Variants in THBS4 observed in about 807,000 individuals in gnomAD.
The protein encoded by THBS4 is thrombospondin 4, also known as thrombospondin-4.
A neutral mutation model predicts 115.7 loss-of-function variants in THBS4; 90 were observed. That is an observed-to-expected ratio of 0.78 (90% CI 0.66 to 0.93). The LOEUF (loss-of-function observed/expected upper bound fraction) is 0.93, where lower values mean the gene tolerates loss of function less well. Among genes scored for constraint, THBS4 ranks in the 40% least tolerant of loss-of-function variants. The probability of loss-of-function intolerance (pLI) is 0.00; values close to 1 mark genes in which losing one functional copy is unlikely to be tolerated. For missense variants in THBS4, 1,087 were observed against 1,232.7 expected (o/e 0.88, Z 1.77); for synonymous variants, 460 against 479.3 (o/e 0.96, Z 0.53).
intron 2 of THBS4, among the ~76,000 whole-genome samples, chr5:80,009,575 A>T (rs186102684): frequency 6.6e-6 from 1 of 152,260 alleles, no homozygotes; most frequent in African/African-American, 2.4e-5. Flanking sequence ...AATTTCCAGC[A>T]TAATCCTGTT....
intron 14 of THBS4, 111 bp from the exon 15 acceptor site, chr5:80,073,164 T>C (rs1742984098): frequency 8.8e-7 from 1 of 1,138,286 alleles, no homozygotes; most frequent in African/African-American, 1.5e-5. Context: ...CCACCCCGGT[T>C]CCAGAGAAAT....
At chr5:80,058,132 A>C in intron 3 of THBS4, 74 bp from the exon 4 acceptor site, 1 of 1,152,300 alleles carries the variant, frequency 8.7e-7, no homozygotes, top group Non-Finnish European at 1.3e-6. Flanking sequence ...GATTATGAAA[A>C]TTGCGTGAGT....
At chr5:80,004,696 A>G (rs1320892248) in intron 2 of THBS4, among the ~76,000 whole-genome samples, 1 of 152,158 alleles carries the variant, frequency 6.6e-6, no homozygotes, top group African/African-American at 2.4e-5. Context: ...TTTCAATTAC[A>G]CATGGCAAGT....
At chr5:80,066,094 CA>C (rs34135437) in intron 9 of THBS4, among the ~76,000 whole-genome samples, 30,657 of 80,692 alleles carry the variant, frequency 0.38, 2,910 homozygotes, top group Middle Eastern at 0.52. Context: ...GACTCCCTCT[CA>C]AAAAAAAAAA....
chr5:80,012,143 A>G (rs1404057618), intron 2 of THBS4, among the ~76,000 whole-genome samples: 1 of 152,028 alleles, frequency 6.6e-6, no homozygotes, highest in Non-Finnish European at 1.5e-5. Context: ...ATAAATAAAT[A>G]AAATTTAAAA....
In THBS4 at chr5:80,061,813, T is replaced by C; in HGVS notation, c.1106T>C (p.Phe369Ser). 1.2e-6 allele frequency: 2 copies of C among 1,609,446 alleles called. No homozygotes were observed. The highest frequency in any genetic ancestry group is 1.1e-5 in the South Asian group (1 of 90,818). ...ATGGTGCAGGGTGTTGGGATCAGTT[T>C]TGCCAAGTCAAACAAGCAGGTAGGC... ...GPMVQGVGIS[F>S]AKSNKQVCTD... The change falls in exon 8 of 22, where the codon TTT becomes TCT. Residue 369 changes from phenylalanine to serine, a missense_variant. Coordinates refer to ENST00000350881, the MANE Select transcript of THBS4 (RefSeq NM_003248.6).
rs1743241318 is a variant in THBS4, at chr5:80,076,850, T to A, written c.1893-5T>A. ...GAGCCACATCACCTGTCCTTTCTCC[T>A]GCAGTGATGGAGATGGGCACCAGGA... On this transcript the variant is annotated splice_polypyrimidine_tract_variant and splice_region_variant and intron_variant, in intron 15 of 21. Coordinates refer to ENST00000350881, the MANE Select transcript of THBS4 (RefSeq NM_003248.6). 2 of 1,571,778 alleles carry A rather than the reference T, an allele frequency of 1.3e-6. No homozygotes were observed. The highest frequency in any genetic ancestry group is 1.7e-6 in the Non-Finnish European group (2 of 1,157,460).
At chr5:80,063,664 T>A (rs1833714822) in intron 8 of THBS4, among the ~76,000 whole-genome samples, 1 of 152,144 alleles carries the variant, frequency 6.6e-6, no homozygotes, top group Admixed American at 6.5e-5. Context: ...ATAGGAATGA[T>A]AAGAAGCTGT....
At chr5:80,034,818 A>G (rs1249304169), upstream of THBS4, among the ~76,000 whole-genome samples, 1 of 152,218 alleles carries the variant, frequency 6.6e-6, no homozygotes, top group African/African-American at 2.4e-5. Context: ...CAAGTATTCA[A>G]GAAAAGCTTG....
intron 2 of THBS4, among the ~76,000 whole-genome samples, chr5:80,015,666 C>T (rs1832231960): frequency 6.6e-6 from 1 of 152,094 alleles, no homozygotes; most frequent in South Asian, 2.1e-4. Flanking sequence ...GAGAAGGTCC[C>T]TGGGGAAGGT....
Position 80,037,675 on chromosome 5 carries a change from A to G in THBS4, c.88+2050A>G, listed in dbSNP as rs182921006. Reference sequence around the variant, plus strand: ...CTTGAGTTACATCATGAACCTGATCATAGTCAAAGGAAGAATCAAGAGTAC... The same window carrying G: ...CTTGAGTTACATCATGAACCTGATCGTAGTCAAAGGAAGAATCAAGAGTAC... On this transcript the variant is annotated intron_variant, in intron 1 of 21. Coordinates refer to ENST00000350881, the MANE Select transcript of THBS4 (RefSeq NM_003248.6). 3.9e-3 allele frequency among the ~76,000 whole-genome samples: 598 copies of G among 152,342 alleles called. 7 individuals are homozygous for G. The highest frequency in any genetic ancestry group is 4.0e-3 in the Non-Finnish European group (270 of 68,010).
intron 2 of THBS4, 107 bp downstream of exon 2, chr5:80,040,387 T>A: frequency 1.2e-6 from 1 of 854,472 alleles, no homozygotes. Context: ...ATATTCTCAC[T>A]CACTAGTCAT....
chr5:80,059,838 G>A lies in THBS4; in HGVS notation c.920G>A (p.Gly307Asp). The A allele has an allele frequency of 3.7e-6, 6 of 1,613,992 alleles. No homozygotes were observed. The highest frequency in any genetic ancestry group is 5.1e-6 in the Non-Finnish European group (6 of 1,180,004). The change falls in exon 7 of 22, where the codon GGC becomes GAC. Residue 307 changes from glycine to aspartate, a missense_variant. Physicochemically the swap from Gly to Asp is moderately conservative, Grantham distance 94 (BLOSUM62 -1). Coordinates refer to ENST00000350881, the MANE Select transcript of THBS4 (RefSeq NM_003248.6). ...GTCCAATGTACCGACAGTAGAGATGGCTTCCAGTGTGGGCCCTGCCCCGAG... is the reference window on the plus strand; with the variant it reads ...GTCCAATGTACCGACAGTAGAGATGACTTCCAGTGTGGGCCCTGCCCCGAG... Reference protein sequence around the residue: ...RGVQCTDSRDGFQCGPCPEGY... With the variant: ...RGVQCTDSRDDFQCGPCPEGY...
rs919074144 is a variant in THBS4, at chr5:80,067,988, G to A, written c.1210G>A (p.Gly404Arg). 2.5e-6 allele frequency: 4 copies of A among 1,614,130 alleles called. No individual in the cohort carries two copies. The South Asian group carries it at 3.3e-5, about 13-fold the overall frequency. The change falls in exon 10 of 22, where the codon GGG becomes AGG. Residue 404 changes from glycine (G) to arginine (R), a missense_variant. Physicochemically the swap from Gly to Arg is moderately radical, Grantham distance 125. Around this residue, in one of 3 missense-constraint regions of THBS4, gnomAD observed 979 missense variants for 1,103.7 expected, o/e 0.89. Coordinates refer to ENST00000350881, the MANE Select transcript of THBS4 (RefSeq NM_003248.6). ...CVNTLGSYRCGPCKPGYTGDQ... is the reference protein window; with the variant it reads ...CVNTLGSYRCRPCKPGYTGDQ... ...TTCCTTGCAGGGATCTTACCGCTGT[G>A]GGCCTTGTAAGCCGGGGTATACTGG...
rs767188033 is a variant in THBS4, at chr5:80,058,279, T to G, written c.614T>G (p.Leu205Arg). Residue 205 changes from leucine to arginine, a missense_variant, in exon 4 of 22, where the codon CTG (leucine) becomes CGG (arginine). Around this residue, in one of 3 missense-constraint regions of THBS4, gnomAD observed 979 missense variants for 1,103.7 expected, o/e 0.89. Transcript: ENST00000350881. ...FQVASLQDCF[L>R]QQSEPLAATG... ...GTGGCCAGCCTGCAAGACTGCTTCC[T>G]GCAGCAGAGTGAGCCACTGGCTGCC... The G allele has an allele frequency of 6.4e-7, 1 of 1,570,736 alleles. No individual in the cohort carries two copies. The highest frequency in any genetic ancestry group is 1.2e-5 in the South Asian group (1 of 85,456).
At chr5:80,062,655 G>C (rs1211250935) in intron 8 of THBS4, among the ~76,000 whole-genome samples, 1 of 152,076 alleles carries the variant, frequency 6.6e-6, no homozygotes, top group East Asian at 1.9e-4. Flanking sequence ...ATTTACATTA[G>C]GTATATCTCC....
chr5:80,078,774 T>C (rs552414330), intron 17 of THBS4, 147 bp from the exon 18 acceptor site: 439 of 649,902 alleles, frequency 6.8e-4, no homozygotes, highest in Non-Finnish European at 9.8e-4. Context: ...CATAACACAA[T>C]AGAGCAACTA....
chr5:80,055,440 T>C (rs1833391665), intron 2 of THBS4, among the ~76,000 whole-genome samples: 1 of 152,192 alleles, frequency 6.6e-6, no homozygotes, highest in Non-Finnish European at 1.5e-5. Context: ...TACGCTTATA[T>C]AGAGTTTACT....
At chr5:80,021,539 C>G (rs745457731) in intron 2 of THBS4, among the ~76,000 whole-genome samples, 1 of 151,812 alleles carries the variant, frequency 6.6e-6, no homozygotes, top group Non-Finnish European at 1.5e-5. Context: ...GAGACAGGGT[C>G]TCTGTCATCC....
Sources: allele counts gnomAD v4.1 joint callset (sites outside exome capture counted in the v4.1 genomes callset), GRCh38; gene constraint gnomAD v4.1.1; regional missense constraint gnomAD v4.1.1; transcripts MANE v1.5; gene names NCBI Gene and HGNC (gene_info 2026-07-23, HGNC 2026-07-21).